The following AFG1L variants were observed in gnomAD, a reference collection of about 807,000 sequenced individuals.
The protein encoded by AFG1L is AFG1 like ATPase, also known as AFG1-like ATPase.
AFG1L carries 53 observed loss-of-function variants against 62.2 expected under a neutral mutation model. The observed-to-expected ratio is 0.85, with a 90% CI of 0.68 to 1.07. The LOEUF (loss-of-function observed/expected upper bound fraction) is 1.07. AFG1L is among the 50% of genes least tolerant of loss of function. The pLI, the probability that AFG1L is intolerant of heterozygous loss-of-function variation, is 0.00. For synonymous variants in AFG1L, 228 were observed against 210.3 expected (o/e 1.08, Z -0.73); for missense variants, 555 against 590.5 (o/e 0.94, Z 0.62).
At chr6:108,417,392 G>A (rs138641353) in intron 7 of AFG1L, among the ~76,000 whole-genome samples, 21 of 152,038 alleles carry the variant, frequency 1.4e-4, no homozygotes, top group South Asian at 1.0e-3. Context: ...CCAAAGAGCC[G>A]ATGATGCTTA....
chr6:108,400,739 TTA>T (rs1781547215), intron 6 of AFG1L, among the ~76,000 whole-genome samples: 1 of 125,906 alleles, frequency 7.9e-6, no homozygotes, highest in Non-Finnish European at 1.6e-5. Flanking sequence ...ATAATATATA[TTA>T]TATATGATAT....
In AFG1L at chr6:108,419,548, G is replaced by T. The variant is rs544761519; in HGVS notation, c.807+17494G>T. Among the ~76,000 whole-genome samples, 3 of 152,054 alleles carry T rather than the reference G, an allele frequency of 2.0e-5. No individual in the cohort carries two copies. In the East Asian group the frequency reaches 5.8e-4, roughly 29 times the overall value. ...TAATAAAGAGTTGCCCATTTGGAAGGCATCACTATCTGATTTATTTGTTCG... is the reference window on the plus strand; with the variant it reads ...TAATAAAGAGTTGCCCATTTGGAAGTCATCACTATCTGATTTATTTGTTCG... On this transcript the variant is annotated intron_variant, in intron 7 of 12. Transcript: ENST00000368977.
At chr6:108,517,397 T>C (rs1229861809) in intron 11 of AFG1L, among the ~76,000 whole-genome samples, 2 of 152,094 alleles carry the variant, frequency 1.3e-5, no homozygotes, top group Non-Finnish European at 2.9e-5. Flanking sequence ...AAACAAGAAA[T>C]GGGGAAAGGA....
intron 10 of AFG1L, among the ~76,000 whole-genome samples, chr6:108,480,492 T>C (rs1249647028): frequency 6.6e-6 from 1 of 152,202 alleles, no homozygotes; most frequent in South Asian, 2.1e-4. Flanking sequence ...TCTGAAGATG[T>C]TCTGGACAAG....
chr6:108,303,188 A>G (rs1777075579), intron 1 of AFG1L, among the ~76,000 whole-genome samples: 1 of 152,188 alleles, frequency 6.6e-6, no homozygotes, highest in Admixed American at 6.5e-5. Context: ...TTGGGATTAC[A>G]GGCATGAGCC....
intron 11 of AFG1L, among the ~76,000 whole-genome samples, chr6:108,513,928 G>A (rs545464112): frequency 3.3e-5 from 5 of 152,286 alleles, no homozygotes; most frequent in East Asian, 3.9e-4. Flanking sequence ...CCAGAGGAAC[G>A]ATCAGGCAGC....
In AFG1L at chr6:108,519,707, T is replaced by C. The variant is rs763707648; in HGVS notation, c.1214T>C (p.Ile405Thr). The change falls in exon 12 of 13, where the codon ATT (isoleucine) becomes ACT (threonine). Residue 405 changes from isoleucine to threonine, a missense_variant. Coordinates refer to ENST00000368977, the MANE Select transcript of AFG1L (RefSeq NM_145315.5). ...DNFYDLKVRI[I>T]CSASTPISSL... ...TTTCTTCTATTTCAGGTGCGTATAA[T>C]TTGCTCTGCGTCGACTCCTATATCA... 9 of 1,600,872 alleles carry C rather than the reference T, an allele frequency of 5.6e-6. No individual in the cohort carries two copies. The Admixed American group carries it at 1.5e-4, about 27-fold the overall frequency.
chr6:108,425,416 A>ATGTGTGTGTGTGTGTGTGTATG (rs374947584), intron 7 of AFG1L, among the ~76,000 whole-genome samples: 292 of 150,850 alleles, frequency 1.9e-3, no homozygotes, highest in African/African-American at 6.8e-3. Flanking sequence ...TAAATAGTGT[A>ATGTGTGTGTGTGTGTGTGTATG]TGTGTGTGTG....
At chr6:108,451,335 A>G (rs747843933) in intron 8 of AFG1L, among the ~76,000 whole-genome samples, 2 of 152,172 alleles carry the variant, frequency 1.3e-5, no homozygotes, top group Non-Finnish European at 2.9e-5. Context: ...AATCCAAATA[A>G]TATCAAGAAT....
At chr6:108,355,418 G>A (rs1329776573) in intron 3 of AFG1L, among the ~76,000 whole-genome samples, 1 of 152,158 alleles carries the variant, frequency 6.6e-6, no homozygotes, top group Non-Finnish European at 1.5e-5. Flanking sequence ...CCCGTGTAAT[G>A]TTAACTAAAT....
At position 108,447,210 on chromosome 6, in the gene AFG1L, G is replaced by A. The variant is rs1178572918; in HGVS notation, c.808-4G>A. The A allele has an allele frequency of 3.9e-6, 6 of 1,532,978 alleles. No individual in the cohort carries two copies. The Admixed American group carries it at 1.0e-4, about 26-fold the overall frequency. The allele number at this position is 1,532,978 out of a possible 1,614,324, so 95.0% of individuals were successfully genotyped here. The stretch of plus-strand genomic sequence containing the variant: ...AAAAGGCACTTCATTTGTTTGGATT[G>A]TAGGAATATTGTAATACAGTCCAGC... On this transcript the variant is annotated splice_polypyrimidine_tract_variant and splice_region_variant and intron_variant, in intron 7 of 12. Coordinates refer to ENST00000368977, the MANE Select transcript of AFG1L (RefSeq NM_145315.5).
intron 6 of AFG1L, among the ~76,000 whole-genome samples, chr6:108,369,614 A>G (rs903293770): frequency 3.3e-4 from 48 of 146,380 alleles, no homozygotes; most frequent in Non-Finnish European, 1.2e-4. Flanking sequence ...TTAGGTCACA[A>G]TTTTTTTTTT....
intron 10 of AFG1L, among the ~76,000 whole-genome samples, chr6:108,497,811 A>G (rs115287630): frequency 4.0e-4 from 61 of 152,298 alleles, no homozygotes; most frequent in African/African-American, 1.4e-3. Context: ...CTAATGACTT[A>G]AAAGCTTTCA....
intron 7 of AFG1L, among the ~76,000 whole-genome samples, chr6:108,407,206 A>C (rs2114647078): frequency 6.6e-6 from 1 of 150,838 alleles, no homozygotes; most frequent in East Asian, 1.9e-4. Context: ...GTGGAGCTAC[A>C]GTTTTTCTCT....
intron 8 of AFG1L, among the ~76,000 whole-genome samples, chr6:108,460,592 G>A (rs1772416940): frequency 6.6e-6 from 1 of 151,832 alleles, no homozygotes; most frequent in South Asian, 2.1e-4. Context: ...CTTACATTAA[G>A]TGTTTTCTGT....
At chr6:108,327,666 A>G (rs1778105278) in intron 2 of AFG1L, among the ~76,000 whole-genome samples, 2 of 152,232 alleles carry the variant, frequency 1.3e-5, no homozygotes, top group African/African-American at 4.8e-5. Flanking sequence ...TTTGGGGGTT[A>G]GAACTTCAAC....
chr6:108,417,259 C>G (rs867691014), intron 7 of AFG1L, among the ~76,000 whole-genome samples: 3 of 87,824 alleles, frequency 3.4e-5, no homozygotes, highest in African/African-American at 5.3e-5. Context: ...CACACACACA[C>G]AGACACGCAC....
chr6:108,515,674 G>C (rs1298403040), intron 11 of AFG1L, among the ~76,000 whole-genome samples: 2 of 152,046 alleles, frequency 1.3e-5, no homozygotes, highest in Non-Finnish European at 2.9e-5. Context: ...AGAAAATAGA[G>C]ACACAAAAAA....
chr6:108,514,717 T>G (rs1191119286), intron 11 of AFG1L, among the ~76,000 whole-genome samples: 3 of 151,552 alleles, frequency 2.0e-5, no homozygotes, highest in South Asian at 2.1e-4. Context: ...TGGATAAAGA[T>G]TCAAGACCCA....
Sources: gnomAD v4.1 joint callset for allele counts (sites outside exome capture counted in the v4.1 genomes callset) on GRCh38, gnomAD v4.1.1 for gene constraint, MANE v1.5 for transcripts, NCBI Gene and HGNC (gene_info 2026-07-23, HGNC 2026-07-21) for gene names.